The following AFG2A variants were observed in gnomAD, a reference collection of about 807,000 sequenced individuals.
AFG2A encodes the protein ATPase family gene 2 protein homolog A.
At chr4:123,270,604 C>G in the AFG2A span, among the ~76,000 whole-genome samples, 1 of 151,562 alleles carries the variant, frequency 6.6e-6, no homozygotes, top group Non-Finnish European at 1.5e-5. Flanking sequence ...AAAAACATAG[C>G]TCATGGAATT....
the AFG2A span, among the ~76,000 whole-genome samples, chr4:123,212,615 T>C: frequency 1.3e-5 from 2 of 152,142 alleles, no homozygotes; most frequent in African/African-American, 4.8e-5. Context: ...GTGAGTCATA[T>C]TCAAAAAGAG....
the AFG2A span, among the ~76,000 whole-genome samples, chr4:122,940,364 G>C: frequency 1.3e-5 from 2 of 152,248 alleles, no homozygotes; most frequent in South Asian, 4.2e-4. Flanking sequence ...GTTTTGATTT[G>C]CATTTCTCTG....
chr4:123,220,625 A>AC, the AFG2A span, among the ~76,000 whole-genome samples: 1 of 151,312 alleles, frequency 6.6e-6, no homozygotes, highest in African/African-American at 2.4e-5. Context: ...AAAAAAAAAA[A>AC]AAAAAAAAAA....
At chr4:123,156,941 T>G in the AFG2A span, among the ~76,000 whole-genome samples, 1 of 151,990 alleles carries the variant, frequency 6.6e-6, no homozygotes, top group Non-Finnish European at 1.5e-5. Flanking sequence ...AGGGTTTCTT[T>G]CTTCCTCAAA....
At chr4:123,217,802 G>GT in the AFG2A span, among the ~76,000 whole-genome samples, 4 of 152,204 alleles carry the variant, frequency 2.6e-5, no homozygotes, top group Non-Finnish European at 4.4e-5. Flanking sequence ...AGGTTTGTTT[G>GT]TTTTTTTCCT....
At chr4:123,225,581 G>C in the AFG2A span, among the ~76,000 whole-genome samples, 1 of 152,124 alleles carries the variant, frequency 6.6e-6, no homozygotes, top group African/African-American at 2.4e-5. Context: ...TCTCTGTTTT[G>C]ATACCAGTAC....
the AFG2A span, among the ~76,000 whole-genome samples, chr4:123,015,296 A>G: frequency 6.6e-6 from 1 of 150,982 alleles, no homozygotes; most frequent in Non-Finnish European, 1.5e-5. Flanking sequence ...CAAGTGAACA[A>G]AGGTCTCTGG....
the AFG2A span, among the ~76,000 whole-genome samples, chr4:123,119,533 A>G: frequency 6.6e-6 from 1 of 152,144 alleles, no homozygotes; most frequent in Admixed American, 6.5e-5. Context: ...TCAAATAGAG[A>G]CAGTGTGGGT....
chr4:123,151,397 T>C, the AFG2A span, among the ~76,000 whole-genome samples: 13 of 152,088 alleles, frequency 8.5e-5, no homozygotes, highest in Non-Finnish European at 1.6e-4. Context: ...ATCCAGAATC[T>C]ACAAAGAACT....
At chr4:123,232,483 A>T in the AFG2A span, among the ~76,000 whole-genome samples, 1 of 152,024 alleles carries the variant, frequency 6.6e-6, no homozygotes, top group African/African-American at 2.4e-5. Context: ...GCATTTCTTA[A>T]AATTTTAACA....
the AFG2A span, among the ~76,000 whole-genome samples, chr4:123,238,354 GA>G: frequency 1.3e-5 from 2 of 152,216 alleles, no homozygotes; most frequent in African/African-American, 4.8e-5. Flanking sequence ...TGAGCTCTGA[GA>G]ACGGACAGAC....
chr4:123,060,718 C>T, the AFG2A span, among the ~76,000 whole-genome samples: 2 of 152,084 alleles, frequency 1.3e-5, no homozygotes, highest in Admixed American at 1.3e-4. Flanking sequence ...TCTGATCTTC[C>T]CTGGAGACAT....
chr4:123,018,915 CA>C, the AFG2A span, among the ~76,000 whole-genome samples: 1 of 151,290 alleles, frequency 6.6e-6, no homozygotes, highest in African/African-American at 2.4e-5. Flanking sequence ...AAAGAGTTAT[CA>C]TTTTTTTGGC....
At chr4:123,021,678 A>G in the AFG2A span, among the ~76,000 whole-genome samples, 1 of 152,214 alleles carries the variant, frequency 6.6e-6, no homozygotes, top group African/African-American at 2.4e-5. Context: ...CCTGTCTTCA[A>G]AATAAGTCAG....
the AFG2A span, among the ~76,000 whole-genome samples, chr4:123,173,339 GGTTTTTTTTTTTTTTTTTTTTTTTTTTTT>G: frequency 9.6e-6 from 1 of 104,460 alleles, no homozygotes; most frequent in Non-Finnish European, 1.8e-5. Context: ...TAAGTCCAAT[GGTTTTTTTTTTTTTTTTTTTTTTTTTTTT>G]TTTTTGAGTC....
At chr4:123,303,128 A>C in the AFG2A span, among the ~76,000 whole-genome samples, 1 of 152,200 alleles carries the variant, frequency 6.6e-6, no homozygotes, top group Non-Finnish European at 1.5e-5. Flanking sequence ...ACTCTGTTTT[A>C]TCATATTATT....
At chr4:123,220,836 G>A in the AFG2A span, among the ~76,000 whole-genome samples, 3 of 152,038 alleles carry the variant, frequency 2.0e-5, no homozygotes, top group African/African-American at 4.8e-5. Context: ...CAATCATTTT[G>A]GAGGCTCAGG....
chr4:123,097,690 C>A, the AFG2A span, among the ~76,000 whole-genome samples: 2 of 152,036 alleles, frequency 1.3e-5, no homozygotes, highest in South Asian at 2.1e-4. Flanking sequence ...TATGGCAGCC[C>A]CTTCCAAGTT....
the AFG2A span, among the ~76,000 whole-genome samples, chr4:122,960,745 A>G: frequency 6.6e-6 from 1 of 152,124 alleles, no homozygotes; most frequent in African/African-American, 2.4e-5. Flanking sequence ...GAGATGGAAA[A>G]TTTTATCTCT....
Sources: allele counts gnomAD v4.1 joint callset (sites outside exome capture counted in the v4.1 genomes callset), GRCh38; gene constraint gnomAD v4.1.1; transcripts MANE v1.5; gene names NCBI Gene and HGNC (gene_info 2026-07-23, HGNC 2026-07-21).